The following SUMO3 variants were observed in gnomAD, a reference collection of about 807,000 sequenced individuals.
The protein encoded by SUMO3 is small ubiquitin-related modifier 3.
SUMO3 carries 2 observed loss-of-function variants against 11.1 expected under a neutral mutation model. The observed-to-expected ratio is 0.18, with a 90% CI of 0.07 to 0.57. The LOEUF is 0.57. SUMO3 is among the 20% of genes least tolerant of loss of function. The pLI is 0.92. For missense variants in SUMO3, 70 were observed against 132.8 expected, an observed-to-expected ratio of 0.53 and a Z score of 2.32; for synonymous variants, 56 against 53.5, an observed-to-expected ratio of 1.05 and a Z score of -0.20.
Position 44,806,740 on chromosome 21 carries a change from C to A in SUMO3, c.*211G>T. ...TATCTTGCAACTCATTTTACCTGAA[C>A]AAAGATAACAATTCTGATTGGCCCA... On this transcript the variant is annotated 3_prime_UTR_variant, in exon 4 of 4. Transcript: ENST00000332859. 7.8e-7 allele frequency: 1 copy of A among 1,281,300 alleles called. No individual in the cohort carries two copies. Among genetic ancestry groups the A allele is most frequent in the Non-Finnish European group, 1.0e-6 (1 of 974,824 alleles). The allele number at this position is 1,281,300 out of a possible 1,614,324, so 79.4% of individuals were successfully genotyped here.
chr21:44,806,681 G>A lies in SUMO3; in HGVS notation c.*270C>T, dbSNP rs2083179258. 1.3e-6 allele frequency: 1 copy of A among 753,584 alleles called. No homozygotes were observed. Among genetic ancestry groups the A allele is most frequent in the Non-Finnish European group, 1.9e-6 (1 of 523,720 alleles). 46.7% of individuals were successfully genotyped at this position (753,584 alleles called of 1,614,324 possible). A position where few individuals can be genotyped will look rare whatever the true frequency, so the allele number is the denominator to read the frequency against. On this transcript the variant is annotated 3_prime_UTR_variant, in exon 4 of 4. Coordinates refer to ENST00000332859, the MANE Select transcript of SUMO3 (RefSeq NM_006936.3). ...TTAAAAAAATGTTGTAGGAGGGGGG[G>A]AAAACACAAATGAGCACACAAAAGT...
At chr21:44,812,053 C>CT (rs386394862) in intron 2 of SUMO3, among the ~76,000 whole-genome samples, 1,141 of 80,894 alleles carry the variant, frequency 0.014, 94 homozygotes, top group African/African-American at 0.038. Context: ...AACTTCTCAC[C>CT]TTTTTTTTTT....
rs2083206361 is a variant in SUMO3, at chr21:44,810,952, A to ACATG, written c.151-1835_151-1834insCATG. Among the ~76,000 whole-genome samples, 1 of 151,344 alleles carries ACATG rather than the reference A, an allele frequency of 6.6e-6. No homozygotes were observed. The highest frequency in any genetic ancestry group is 1.5e-5 in the Non-Finnish European group (1 of 67,828). ...CATGCCCACACCCACACACATGCACACACCCACACATGCACACCCATGCAC... is the reference window on the plus strand; with the variant it reads ...CATGCCCACACCCACACACATGCACACATGCACCCACACATGCACACCCATGCAC... On this transcript the variant is annotated intron_variant, in intron 2 of 3. Coordinates refer to ENST00000332859, the MANE Select transcript of SUMO3 (RefSeq NM_006936.3). The surrounding 1 kb of genome is among the most constrained non-coding windows in gnomAD (Gnocchi z 4.1).
At chr21:44,812,523 G>GC (rs1460740031) in intron 2 of SUMO3, among the ~76,000 whole-genome samples, 2 of 152,322 alleles carry the variant, frequency 1.3e-5, no homozygotes, top group East Asian at 3.9e-4. Flanking sequence ...GTTCAGCCAT[G>GC]CAGTGTCTCA....
chr21:44,809,648 G>A (rs910912947), intron 2 of SUMO3, among the ~76,000 whole-genome samples: 16 of 152,202 alleles, frequency 1.1e-4, no homozygotes, highest in Non-Finnish European at 2.2e-4. Context: ...GTGAGGAAGC[G>A]TAACACGTCA....
At position 44,811,506 on chromosome 21, in the gene SUMO3, A is replaced by C. The variant is rs551377668; in HGVS notation, c.151-2388T>G. Among the ~76,000 whole-genome samples the C allele has an allele frequency of 7.2e-5, 11 of 152,316 alleles. No individual in the cohort carries two copies. The highest frequency in any genetic ancestry group is 4.6e-4 in the Admixed American group (7 of 15,300). ...AGGATCACTTGAGCCCCAGGGCTCAAGGCTGCAGTGAACCATGATCACACC... is the reference window on the plus strand; with the variant it reads ...AGGATCACTTGAGCCCCAGGGCTCACGGCTGCAGTGAACCATGATCACACC... On this transcript the variant is annotated intron_variant, in intron 2 of 3. Transcript: ENST00000332859. This position sits in a 1 kb window ranked among gnomAD's most constrained non-coding sequence, Gnocchi z 5.0.
At position 44,807,119 on chromosome 21, in the gene SUMO3, C is replaced by G. The variant is rs1310202796; in HGVS notation, c.223-79G>C. ...TCATCAGAGAGTGGGAAGATCCTCA[C>G]TGGCATGAGTGTTCCCTGACACTAG... is the stretch of plus-strand genomic sequence containing the variant. On this transcript the variant is annotated intron_variant, in intron 3 of 3. Coordinates refer to ENST00000332859, the MANE Select transcript of SUMO3 (RefSeq NM_006936.3). The surrounding 1 kb of genome is among the most constrained non-coding windows in gnomAD (Gnocchi z 4.3). 3.9e-6 allele frequency: 6 copies of G among 1,551,074 alleles called. No homozygotes were observed. Among genetic ancestry groups the G allele is most frequent in the East Asian group, 4.5e-5 (2 of 44,234 alleles).
chr21:44,808,853 T>G (rs2083193847), intron 3 of SUMO3, 194 bp downstream of exon 3: 1 of 680,670 alleles, frequency 1.5e-6, no homozygotes, highest in African/African-American at 1.8e-5. Flanking sequence ...ACAGCAAGAA[T>G]GATGTCTGCA....
rs1339434110 is a variant in SUMO3 at position 44,806,010 on chromosome 21, T to C, written c.*941A>G. On this transcript the variant is annotated 3_prime_UTR_variant, in exon 4 of 4. Coordinates refer to ENST00000332859, the MANE Select transcript of SUMO3 (RefSeq NM_006936.3). ...ATGAAGTCATCATTCCATGGGTTCA[T>C]TTGTAACCACACTTGGAAGTAGCTC... 6.6e-6 allele frequency: 1 copy of C among 152,210 alleles called. No homozygotes were observed. The highest frequency in any genetic ancestry group is 2.4e-5 in the African/African-American group (1 of 41,418). 9.4% of individuals were successfully genotyped at this position (152,210 alleles called of 1,614,324 possible).
rs2083172243 is a variant in SUMO3 at position 44,805,732 on chromosome 21, A to G, written c.*1219T>C. 6.5e-6 allele frequency: 1 copy of G among 152,690 alleles called. No homozygotes were observed. The highest frequency in any genetic ancestry group is 1.5e-5 in the Non-Finnish European group (1 of 68,060). The allele number at this position is 152,690 out of a possible 1,614,324, so 9.5% of individuals were successfully genotyped here. A position where few individuals can be genotyped will look rare whatever the true frequency, so the allele number is the denominator to read the frequency against. ...ACATCCCACCCGAGCCCATACAGCA[A>G]ACAGGAAATGAGAACATTTCAGCAA... On this transcript the variant is annotated 3_prime_UTR_variant, in exon 4 of 4. Transcript: ENST00000332859.
chr21:44,810,472 C>T lies in SUMO3; in HGVS notation c.151-1354G>A, dbSNP rs78208377. Among the ~76,000 whole-genome samples, 5,870 of 149,474 alleles carry T rather than the reference C, an allele frequency of 0.039. 227 individuals are homozygous for T. The highest frequency in any genetic ancestry group is 0.17 in the South Asian group (799 of 4,792). On this transcript the variant is annotated intron_variant, in intron 2 of 3. Transcript: ENST00000332859. The surrounding 1 kb of genome is among the most constrained non-coding windows in gnomAD (Gnocchi z 4.1). Reference sequence around the variant, plus strand: ...GACCCCTCAGGCAGGACCCCCACAACCCTGTGCCTCCCACGGCAGCACACA... The same window carrying T: ...GACCCCTCAGGCAGGACCCCCACAATCCTGTGCCTCCCACGGCAGCACACA...
At chr21:44,815,758 T>TGGGGC (rs1355523142) in intron 1 of SUMO3, among the ~76,000 whole-genome samples, 1 of 152,018 alleles carries the variant, frequency 6.6e-6, no homozygotes, top group African/African-American at 2.4e-5. Flanking sequence ...CGGGAGAGGC[T>TGGGGC]GGGGCAGGGC....
chr21:44,810,317 C>T lies in SUMO3; in HGVS notation c.151-1199G>A, dbSNP rs1352602032. Among the ~76,000 whole-genome samples, 6 of 152,280 alleles carry T rather than the reference C, an allele frequency of 3.9e-5. No individual in the cohort carries two copies. The highest frequency in any genetic ancestry group is 3.4e-3 in the Middle Eastern group (1 of 294). On this transcript the variant is annotated intron_variant, in intron 2 of 3. Coordinates refer to ENST00000332859, the MANE Select transcript of SUMO3 (RefSeq NM_006936.3). The surrounding 1 kb of genome is among the most constrained non-coding windows in gnomAD (Gnocchi z 4.1). The stretch of plus-strand genomic sequence containing the variant: ...TGGGCTGAGCCAGAGGCTACTGAGG[C>T]GTGGACACTGGTGGTCTGATGGACA...
chr21:44,814,173 C>T, intron 1 of SUMO3, 69 bp from the exon 2 acceptor site: 1 of 1,576,980 alleles, frequency 6.3e-7, no homozygotes, highest in Non-Finnish European at 8.7e-7. Context: ...ATGGGCAAGT[C>T]TTTAGGTAAT....
chr21:44,813,951 T>C lies in SUMO3; in HGVS notation c.150+25A>G, dbSNP rs9981327. The C allele has an allele frequency of 0.018, 28,376 of 1,606,930 alleles. 1,431 individuals carry two copies. The African/African-American group carries it at 0.18, about 10-fold the overall frequency. ...AGGACCAGTGCGCACACGGGGAGGC[T>C]CTGCGGGGGAGCAAGGTGCCGCACC... On this transcript the variant is annotated intron_variant, in intron 2 of 3. Transcript: ENST00000332859.
At chr21:44,813,795 G>A (rs2083227198) in intron 2 of SUMO3, 181 bp downstream of exon 2, 1 of 1,501,478 alleles carries the variant, frequency 6.7e-7, no homozygotes, top group African/African-American at 1.4e-5. Context: ...AAGGCCATGG[G>A]GGACAAGCCC....
At chr21:44,812,747 G>C (rs1365789193) in intron 2 of SUMO3, among the ~76,000 whole-genome samples, 1 of 152,238 alleles carries the variant, frequency 6.6e-6, no homozygotes, top group African/African-American at 2.4e-5. Context: ...GGAGAGCAGG[G>C]GGAAGGGCAG....
rs762992147 is a variant in SUMO3 at position 44,814,091 on chromosome 21, G to A, written c.35C>T (p.Thr12Ile). Residue 12 changes from threonine (T) to isoleucine (I), a missense_variant, in exon 2 of 4, where the codon ACA (threonine) becomes ATA (isoleucine). Transcript: ENST00000332859. Reference sequence around the variant, plus strand: ...CTTCAGGTTGATGTGGTCATTCTCTGTCTTCACACCCTCCTGCAGAAGACA... The same window carrying A: ...CTTCAGGTTGATGTGGTCATTCTCTATCTTCACACCCTCCTGCAGAAGACA... Reference protein sequence around the residue: ...SEEKPKEGVKTENDHINLKVA... With the variant: ...SEEKPKEGVKIENDHINLKVA... 6.2e-6 allele frequency: 10 copies of A among 1,613,740 alleles called. No homozygotes were observed. The African/African-American group carries it at 1.2e-4, about 19-fold the overall frequency.
At position 44,810,112 on chromosome 21, in the gene SUMO3, T is replaced by C. The variant is rs563577210; in HGVS notation, c.151-994A>G. Among the ~76,000 whole-genome samples, 15 of 152,276 alleles carry C rather than the reference T, an allele frequency of 9.9e-5. No homozygotes were observed. Among genetic ancestry groups the C allele is most frequent in the Non-Finnish European group, 2.1e-4 (14 of 68,014 alleles). On this transcript the variant is annotated intron_variant, in intron 2 of 3. Transcript: ENST00000332859. This position sits in a 1 kb window ranked among gnomAD's most constrained non-coding sequence, Gnocchi z 4.1. ...TGCGTCCTGAGGGAATGGAGAAATG[T>C]GGTCAGGGGCAGAAACATTTCCTCA...
Sources: allele counts gnomAD v4.1 joint callset (sites outside exome capture counted in the v4.1 genomes callset), GRCh38; gene constraint gnomAD v4.1.1; non-coding constraint Gnocchi (gnomAD v3.1); transcripts MANE v1.5; gene names NCBI Gene and HGNC (gene_info 2026-07-23, HGNC 2026-07-21).